TRPS1: variants seen among roughly 807,000 people sequenced by gnomAD.
The protein encoded by TRPS1 is transcriptional repressor GATA binding 1.
Under a neutral mutation model 101.2 loss-of-function variants are expected in TRPS1, and 6 were observed. That is an observed-to-expected ratio of 0.06 (90% CI 0.03 to 0.12). TRPS1 has a LOEUF of 0.12. TRPS1 is among the 10% of genes least tolerant of loss of function. The pLI is 1.00. For synonymous variants in TRPS1, 578 were observed against 589.8 expected, an observed-to-expected ratio of 0.98 and a Z score of 0.29; for missense variants, 1,363 against 1,567.0, an observed-to-expected ratio of 0.87 and a Z score of 2.20.
At chr8:115,438,135 G>C (rs1402265438) in intron 5 of TRPS1, among the ~76,000 whole-genome samples, 1 of 152,140 alleles carries the variant, frequency 6.6e-6, no homozygotes, top group African/African-American at 2.4e-5. Context: ...TGTAAACCTA[G>C]TACCATATAG....
At chr8:115,555,468 G>A (rs1036179881) in intron 5 of TRPS1, among the ~76,000 whole-genome samples, 9 of 151,530 alleles carry the variant, frequency 5.9e-5, no homozygotes. Context: ...AAACATTAAT[G>A]ACCTTTTCTA....
chr8:115,647,848 C>A (rs959143980), intron 1 of TRPS1, among the ~76,000 whole-genome samples: 9 of 151,904 alleles, frequency 5.9e-5, no homozygotes, highest in African/African-American at 2.2e-4. Context: ...TCATTAATAA[C>A]CTATGCCATC....
intron 5 of TRPS1, among the ~76,000 whole-genome samples, chr8:115,449,016 C>T (rs903036220): frequency 2.0e-5 from 3 of 152,178 alleles, no homozygotes; most frequent in Non-Finnish European, 2.9e-5. Context: ...ATTCTACTTT[C>T]TAATGAATTT....
intron 5 of TRPS1, among the ~76,000 whole-genome samples, chr8:115,553,150 A>G (rs1428256227): frequency 1.3e-5 from 2 of 152,098 alleles, no homozygotes; most frequent in Non-Finnish European, 2.9e-5. Flanking sequence ...CCAAAATTAC[A>G]TATTTTTATA....
intron 4 of TRPS1, among the ~76,000 whole-genome samples, chr8:115,602,939 TATC>T (rs1489080238): frequency 6.6e-6 from 1 of 152,164 alleles, no homozygotes; most frequent in Non-Finnish European, 1.5e-5. Flanking sequence ...TAGGTTATGT[TATC>T]ATTATATTCA....
intron 5 of TRPS1, among the ~76,000 whole-genome samples, chr8:115,439,402 G>T (rs1813534702): frequency 6.6e-6 from 1 of 152,186 alleles, no homozygotes; most frequent in African/African-American, 2.4e-5. Flanking sequence ...AAGTCATTAT[G>T]AAGTCATTAG....
rs544344746 is a variant in TRPS1, at chr8:115,638,518, G to A, written c.-121-14760C>T. Among the ~76,000 whole-genome samples the A allele has an allele frequency of 1.6e-4, 25 of 152,246 alleles. No homozygotes were observed. In the South Asian group the frequency reaches 4.6e-3, roughly 28 times the overall value. ...AATTGACATTGTTCTCAAGTGTGAGGTAACAGACCTCACAGAAAAGGTGTG... is the reference window on the plus strand; with the variant it reads ...AATTGACATTGTTCTCAAGTGTGAGATAACAGACCTCACAGAAAAGGTGTG... On this transcript the variant is annotated intron_variant, in intron 1 of 6. Transcript: ENST00000395715.
intron 5 of TRPS1, among the ~76,000 whole-genome samples, chr8:115,470,871 A>G (rs1274804176): frequency 1.3e-5 from 2 of 152,228 alleles, no homozygotes; most frequent in Non-Finnish European, 2.9e-5. Flanking sequence ...TTTAGAGACA[A>G]TAAGCATTTC....
chr8:115,454,719 A>G (rs902009824), intron 5 of TRPS1, among the ~76,000 whole-genome samples: 2 of 152,186 alleles, frequency 1.3e-5, no homozygotes, highest in Admixed American at 6.5e-5. Flanking sequence ...CTCTTTCAAC[A>G]AAGAGCTCTA....
At chr8:115,442,228 T>C (rs1813616553) in intron 5 of TRPS1, among the ~76,000 whole-genome samples, 1 of 152,176 alleles carries the variant, frequency 6.6e-6, no homozygotes, top group Admixed American at 6.5e-5. Flanking sequence ...ATAGATTCGC[T>C]GGTATTATAG....
At chr8:115,488,378 G>C (rs915275850) in intron 5 of TRPS1, among the ~76,000 whole-genome samples, 1 of 152,066 alleles carries the variant, frequency 6.6e-6, no homozygotes, top group Non-Finnish European at 1.5e-5. Flanking sequence ...TTATCTCCAA[G>C]GTATGCCTGT....
intron 5 of TRPS1, among the ~76,000 whole-genome samples, chr8:115,514,021 C>G (rs1815648969): frequency 6.6e-6 from 1 of 151,630 alleles, no homozygotes; most frequent in African/African-American, 2.4e-5. Context: ...CACATGGTAT[C>G]TAAGTTAAAC....
chr8:115,420,494 C>A (rs1586256131), intron 5 of TRPS1, among the ~76,000 whole-genome samples: 2 of 152,272 alleles, frequency 1.3e-5, no homozygotes, highest in South Asian at 4.1e-4. Context: ...GGAAATTAAC[C>A]CACATATATG....
At chr8:115,455,929 C>T (rs1325028429) in intron 5 of TRPS1, among the ~76,000 whole-genome samples, 5 of 151,226 alleles carry the variant, frequency 3.3e-5, no homozygotes, top group Admixed American at 6.6e-5. Flanking sequence ...GGACTACAGG[C>T]GCCCGCCACT....
intron 5 of TRPS1, among the ~76,000 whole-genome samples, chr8:115,541,281 T>C (rs1388869818): frequency 6.6e-6 from 1 of 152,184 alleles, no homozygotes; most frequent in Non-Finnish European, 1.5e-5. Context: ...GGAGGGTTTC[T>C]TACTATACTT....
At chr8:115,502,251 T>C (rs916566483) in intron 5 of TRPS1, among the ~76,000 whole-genome samples, 1 of 152,148 alleles carries the variant, frequency 6.6e-6, no homozygotes. Flanking sequence ...TTGGTTTTCT[T>C]AAGTACAGGC....
At chr8:115,554,307 T>C (rs1816768556) in intron 5 of TRPS1, among the ~76,000 whole-genome samples, 1 of 152,136 alleles carries the variant, frequency 6.6e-6, no homozygotes, top group African/African-American at 2.4e-5. Context: ...GTCCCACTTG[T>C]CTTAAAAGGG....
intron 5 of TRPS1, among the ~76,000 whole-genome samples, chr8:115,468,650 A>C (rs1275900324): frequency 6.6e-6 from 1 of 152,200 alleles, no homozygotes; most frequent in African/African-American, 2.4e-5. Flanking sequence ...CACACAAAAA[A>C]CCTGAAGAGT....
At chr8:115,445,040 C>T (rs377734891) in intron 5 of TRPS1, among the ~76,000 whole-genome samples, 5 of 152,290 alleles carry the variant, frequency 3.3e-5, no homozygotes, top group Admixed American at 2.6e-4. Flanking sequence ...GTGCCACATT[C>T]ATAAGGCTCT....
Sources: gnomAD v4.1 joint callset for allele counts (sites outside exome capture counted in the v4.1 genomes callset) on GRCh38, gnomAD v4.1.1 for gene constraint, MANE v1.5 for transcripts, NCBI Gene and HGNC (gene_info 2026-07-23, HGNC 2026-07-21) for gene names.